Variants in UPK3A observed in about 807,000 individuals in gnomAD.
The protein encoded by UPK3A is uroplakin-3a.
A neutral mutation model predicts 27.6 loss-of-function variants in UPK3A; 32 were observed. The observed-to-expected ratio is 1.16, with a 90% CI of 0.87 to 1.55. UPK3A has a LOEUF of 1.55. UPK3A is among the 40% of genes most tolerant of loss of function. The pLI, the probability that UPK3A is intolerant of heterozygous loss-of-function variation, is 0.00. For missense variants in UPK3A, 370 were observed against 367.9 expected, an observed-to-expected ratio of 1.01 and a Z score of -0.05; for synonymous variants, 171 against 163.9, an observed-to-expected ratio of 1.04 and a Z score of -0.33.
intron 2 of UPK3A, among the ~76,000 whole-genome samples, chr22:45,286,855 C>T (rs999295652): frequency 6.6e-6 from 1 of 152,146 alleles, no homozygotes; most frequent in Non-Finnish European, 1.5e-5. Flanking sequence ...GACCGATGAC[C>T]TTCCTTTCCC....
chr22:45,293,603 A>G (rs1208347352), intron 5 of UPK3A, among the ~76,000 whole-genome samples: 3 of 152,136 alleles, frequency 2.0e-5, no homozygotes, highest in Admixed American at 6.6e-5. Context: ...GAGTTATGCA[A>G]CCTTAGGTAT....
chr22:45,292,930 GC>G (rs1251520874), intron 4 of UPK3A, among the ~76,000 whole-genome samples: 8 of 138,012 alleles, frequency 5.8e-5, no homozygotes, highest in African/African-American at 2.4e-4. Context: ...GTAAAATAAT[GC>G]AAAAAAAAAA....
chr22:45,291,853 GAGT>G, intron 4 of UPK3A, among the ~76,000 whole-genome samples: 1 of 148,420 alleles, frequency 6.7e-6, no homozygotes, highest in African/African-American at 2.5e-5. Context: ...CTGTGTATGT[GAGT>G]TGGTATGTGT....
chr22:45,288,466 G>A (rs544390603), intron 3 of UPK3A, among the ~76,000 whole-genome samples: 7 of 152,302 alleles, frequency 4.6e-5, no homozygotes, highest in African/African-American at 1.4e-4. Context: ...CCAAAGTGCT[G>A]GGATTACAGG....
chr22:45,287,098 A>G (rs1569103646), intron 2 of UPK3A, 74 bp from the exon 3 acceptor site: 9 of 1,605,140 alleles, frequency 5.6e-6, no homozygotes, highest in Non-Finnish European at 6.8e-6. Context: ...ATGATCAGGC[A>G]TTTGATGAAT....
intron 1 of UPK3A, 81 bp from the exon 2 acceptor site, chr22:45,285,860 A>G: frequency 1.3e-6 from 2 of 1,598,318 alleles, no homozygotes; most frequent in Non-Finnish European, 1.7e-6. Context: ...CTGGCACACA[A>G]CACGTGCTCA....
At chr22:45,295,448 C>A in intron 5 of UPK3A, 112 bp from the exon 6 acceptor site, 2 of 1,195,756 alleles carry the variant, frequency 1.7e-6, no homozygotes, top group South Asian at 1.2e-5. Context: ...TTCATGTCTA[C>A]GAAGACGATA....
intron 5 of UPK3A, among the ~76,000 whole-genome samples, chr22:45,294,893 T>G (rs2084184942): frequency 6.6e-6 from 1 of 151,274 alleles, no homozygotes; most frequent in African/African-American, 2.4e-5. Context: ...TTTTTTTTTT[T>G]TTTTTTGAGA....
Position 45,293,222 on chromosome 22 carries a change from A to G in UPK3A, c.613A>G (p.Ser205Gly). The G allele has an allele frequency of 6.2e-7, 1 of 1,614,070 alleles. No individual in the cohort carries two copies. The highest frequency in any genetic ancestry group is 1.3e-5 in the African/African-American group (1 of 75,030). ...GATCGACACGTGGCCAGGCCGGCGG[A>G]GCGGAGGCATGATCGTCATCACTTC... is the stretch of plus-strand genomic sequence containing the variant. Reference protein sequence around the residue: ...STIDTWPGRRSGGMIVITSIL... With the variant: ...STIDTWPGRRGGGMIVITSIL... Residue 205 changes from serine (S) to glycine (G), a missense_variant, in exon 5 of 6, where the codon AGC (serine) becomes GGC (glycine). Physicochemically the swap from Ser to Gly is moderately conservative, Grantham distance 56. Transcript: ENST00000216211.
intron 4 of UPK3A, among the ~76,000 whole-genome samples, chr22:45,290,428 C>T (rs903370291): frequency 6.6e-6 from 1 of 152,098 alleles, no homozygotes; most frequent in African/African-American, 2.4e-5. Flanking sequence ...GGTAGAAAGC[C>T]TTGTGTGTGA....
At chr22:45,291,616 T>C (rs2084161986) in intron 4 of UPK3A, among the ~76,000 whole-genome samples, 1 of 149,252 alleles carries the variant, frequency 6.7e-6, no homozygotes, top group Non-Finnish European at 1.5e-5. Flanking sequence ...TGACTGTGTG[T>C]GTGTGGGAGT....
rs375576165 is a variant in UPK3A at position 45,295,744 on chromosome 22, G to T, written c.*25G>T. ...AGCCCAGCACCACCCCTGGGCAGCA[G>T]CATCCTCCTCTCTGGCCTTGCCCCA... On this transcript the variant is annotated 3_prime_UTR_variant, in exon 6 of 6. Coordinates refer to ENST00000216211, the MANE Select transcript of UPK3A (RefSeq NM_006953.4). The T allele has an allele frequency of 2.5e-6, 4 of 1,612,936 alleles. No individual in the cohort carries two copies. The highest frequency in any genetic ancestry group is 2.2e-5 in the East Asian group (1 of 44,860).
At chr22:45,288,579 C>T (rs551653301) in intron 3 of UPK3A, among the ~76,000 whole-genome samples, 23 of 152,286 alleles carry the variant, frequency 1.5e-4, no homozygotes, top group South Asian at 4.1e-4. Flanking sequence ...GTGATCTGCC[C>T]GCCTCAGCCT....
intron 2 of UPK3A, among the ~76,000 whole-genome samples, chr22:45,286,754 G>C (rs2084120903): frequency 6.6e-6 from 1 of 152,186 alleles, no homozygotes; most frequent in Non-Finnish European, 1.5e-5. Flanking sequence ...TTTCATAGAA[G>C]ACTAGGGTCT....
chr22:45,288,061 T>A (rs1227799601), intron 3 of UPK3A, among the ~76,000 whole-genome samples: 1 of 152,134 alleles, frequency 6.6e-6, no homozygotes, highest in East Asian at 1.9e-4. Context: ...TCTACGTGTG[T>A]GGAAGTCACC....
chr22:45,294,241 A>C (rs2084180597), intron 5 of UPK3A, among the ~76,000 whole-genome samples: 1 of 152,078 alleles, frequency 6.6e-6, no homozygotes, highest in Non-Finnish European at 1.5e-5. Context: ...CAGATAGGAA[A>C]GTTTCTTGGA....
intron 4 of UPK3A, among the ~76,000 whole-genome samples, chr22:45,289,679 G>A (rs1224371847): frequency 6.6e-6 from 1 of 151,870 alleles, no homozygotes; most frequent in Non-Finnish European, 1.5e-5. Context: ...GCTTGAACTG[G>A]GGAGTCAGAG....
chr22:45,287,564 A>G, intron 3 of UPK3A, 113 bp downstream of exon 3: 1 of 1,390,226 alleles, frequency 7.2e-7, no homozygotes. Context: ...TATGCTGAGA[A>G]CATCCCAGGT....
chr22:45,286,660 C>G (rs1444442961), intron 2 of UPK3A, among the ~76,000 whole-genome samples: 1 of 152,146 alleles, frequency 6.6e-6, no homozygotes, highest in Non-Finnish European at 1.5e-5. Context: ...CATTCGGGAC[C>G]ATCCTTTTCT....
Sources: allele counts gnomAD v4.1 joint callset (sites outside exome capture counted in the v4.1 genomes callset), GRCh38; gene constraint gnomAD v4.1.1; transcripts MANE v1.5; gene names NCBI Gene and HGNC (gene_info 2026-07-23, HGNC 2026-07-21).